VMP1: variants seen among roughly 807,000 people sequenced by gnomAD.
The protein encoded by VMP1 is vacuole membrane protein 1.
Under a neutral mutation model 56.0 loss-of-function variants are expected in VMP1, and 11 were observed. That is an observed-to-expected ratio of 0.20 (90% CI 0.12 to 0.32). The LOEUF is 0.32. VMP1 is among the 10% of genes least tolerant of loss of function. The pLI is 1.00. For missense variants in VMP1, 296 were observed against 490.3 expected, an observed-to-expected ratio of 0.60 and a Z score of 3.74; for synonymous variants, 149 against 165.0, an observed-to-expected ratio of 0.90 and a Z score of 0.74.
intron 11 of VMP1, chr17:59,839,492 T>C (rs1234446693): frequency 2.8e-6 from 1 of 354,120 alleles, no homozygotes; most frequent in Non-Finnish European, 5.1e-6. Context: ...TCAAAGAGTT[T>C]ATTCTTAGGT....
At chr17:59,801,078 T>A (rs1175806767) in intron 7 of VMP1, among the ~76,000 whole-genome samples, 1 of 57,990 alleles carries the variant, frequency 1.7e-5, no homozygotes, top group African/African-American at 5.0e-5. Flanking sequence ...AGACTCCATC[T>A]CGAAAAAAAA....
chr17:59,743,258 CT>C (rs1266102128), intron 5 of VMP1, among the ~76,000 whole-genome samples: 1 of 152,154 alleles, frequency 6.6e-6, no homozygotes, highest in Non-Finnish European at 1.5e-5. Context: ...GTTTTTTCCA[CT>C]TCCCCACCTG....
chr17:59,810,584 A>T (rs1165045562), intron 8 of VMP1, among the ~76,000 whole-genome samples: 1 of 152,214 alleles, frequency 6.6e-6, no homozygotes, highest in East Asian at 1.9e-4. Flanking sequence ...AGCAGGTGTG[A>T]TGCTGTGTAA....
At chr17:59,742,531 T>C (rs914521799) in intron 5 of VMP1, among the ~76,000 whole-genome samples, 1 of 147,912 alleles carries the variant, frequency 6.8e-6, no homozygotes, top group African/African-American at 2.5e-5. Flanking sequence ...ACAATAATAA[T>C]AATAATAATA....
intron 7 of VMP1, among the ~76,000 whole-genome samples, chr17:59,774,491 G>A (rs2036548632): frequency 6.6e-6 from 1 of 152,068 alleles, no homozygotes; most frequent in African/African-American, 2.4e-5. Context: ...TCCCTTGAAA[G>A]CAGCTTCATT....
intron 7 of VMP1, among the ~76,000 whole-genome samples, chr17:59,777,598 G>A (rs374363556): frequency 1.3e-5 from 2 of 151,856 alleles, no homozygotes; most frequent in Non-Finnish European, 2.9e-5. Flanking sequence ...GATCACCTAC[G>A]GTCAGGAGTT....
At chr17:59,776,349 C>G (rs936072707) in intron 7 of VMP1, among the ~76,000 whole-genome samples, 6 of 152,210 alleles carry the variant, frequency 3.9e-5, no homozygotes, top group African/African-American at 1.4e-4. Flanking sequence ...AATATCTGCT[C>G]TTTGTGGAAA....
At chr17:59,764,883 T>C (rs1240136034) in intron 5 of VMP1, 88 bp from the exon 6 acceptor site, 7 of 1,006,488 alleles carry the variant, frequency 7.0e-6, no homozygotes, top group Non-Finnish European at 7.9e-6. Flanking sequence ...AGATTTTTCT[T>C]ACACAGTAAT....
chr17:59,760,363 T>C (rs1384985218), intron 5 of VMP1, among the ~76,000 whole-genome samples: 1 of 152,178 alleles, frequency 6.6e-6, no homozygotes, highest in Non-Finnish European at 1.5e-5. Context: ...TGTTTTGAAA[T>C]ATATTTTTTT....
rs2034738534 is a variant in VMP1, at chr17:59,729,497, AC to A, written c.-26-1922del. Among the ~76,000 whole-genome samples the A allele has an allele frequency of 1.8e-4, 27 of 150,740 alleles. No homozygotes were observed. The South Asian group carries it at 5.7e-3, about 32-fold the overall frequency. On this transcript the variant is annotated intron_variant, in intron 1 of 11. Transcript: ENST00000262291. ...CCATCTCAAAAAAAAAAAAAAAAAA[AC>A]CTTTGGTCTGTTAACAGTGTCACTA...
intron 7 of VMP1, among the ~76,000 whole-genome samples, chr17:59,776,584 G>A (rs1598378538): frequency 6.6e-6 from 1 of 152,168 alleles, no homozygotes; most frequent in African/African-American, 2.4e-5. Flanking sequence ...AGTAGATTTA[G>A]TTGTTACTTC....
chr17:59,734,861 T>A (rs2034958618), intron 2 of VMP1, among the ~76,000 whole-genome samples: 1 of 151,916 alleles, frequency 6.6e-6, no homozygotes, highest in Non-Finnish European at 1.5e-5. Context: ...GGGGAACTAC[T>A]GTCATTCATC....
At chr17:59,778,865 G>T (rs1251013914) in intron 7 of VMP1, among the ~76,000 whole-genome samples, 1 of 152,166 alleles carries the variant, frequency 6.6e-6, no homozygotes, top group Non-Finnish European at 1.5e-5. Context: ...TTTGGATTTT[G>T]ATCTTTTCCC....
intron 1 of VMP1, among the ~76,000 whole-genome samples, chr17:59,715,133 T>A (rs1289734665): frequency 6.6e-6 from 1 of 152,244 alleles, no homozygotes; most frequent in African/African-American, 2.4e-5. Flanking sequence ...TTTTCGCTAC[T>A]CTAAGTTTTT....
intron 7 of VMP1, among the ~76,000 whole-genome samples, chr17:59,801,116 G>A (rs35423773): frequency 0.024 from 2,519 of 104,060 alleles, 40 homozygotes; most frequent in Non-Finnish European, 0.032. Context: ...ATATATATGT[G>A]TGTGTGTGTG....
Position 59,839,831 on chromosome 17 carries a change from C to G in VMP1, c.1141C>G (p.Leu381Val), listed in dbSNP as rs866544435. 2.1e-5 allele frequency: 34 copies of G among 1,613,544 alleles called. No homozygotes were observed. Among genetic ancestry groups the G allele is most frequent in the Non-Finnish European group, 2.9e-5 (34 of 1,179,942 alleles). Residue 381 changes from leucine (L) to valine (V), a missense_variant, in exon 12 of 12, where the codon CTA (leucine) becomes GTA (valine). Physicochemically the swap from Leu to Val is conservative, Grantham distance 32. Around this residue, in one of 4 missense-constraint regions of VMP1, gnomAD observed 95 missense variants for 137.6 expected, o/e 0.69. Transcript: ENST00000262291. The part of the protein sequence containing the change: ...LVVVMVCYFI[L>V]SIINSMAQSY... The stretch of plus-strand genomic sequence containing the variant: ...CGTTGTCATGGTGTGTTACTTCATC[C>G]TATCTATCATTAACTCCATGGCACA...
chr17:59,749,268 A>C (rs1451344258), intron 5 of VMP1, among the ~76,000 whole-genome samples: 1 of 151,616 alleles, frequency 6.6e-6, no homozygotes, highest in Non-Finnish European at 1.5e-5. Context: ...ATAAATTTTT[A>C]AATATATGTT....
chr17:59,777,212 T>C (rs915978455), intron 7 of VMP1, among the ~76,000 whole-genome samples: 1 of 152,192 alleles, frequency 6.6e-6, no homozygotes, highest in Admixed American at 6.5e-5. Flanking sequence ...ATTTACACCT[T>C]CGTTTTGCTT....
At chr17:59,837,413 C>T (rs924263854) in intron 10 of VMP1, among the ~76,000 whole-genome samples, 1 of 152,076 alleles carries the variant, frequency 6.6e-6, no homozygotes. Context: ...CCCAAGCTAC[C>T]GTTTTTAAAA....
Sources: allele counts gnomAD v4.1 joint callset (sites outside exome capture counted in the v4.1 genomes callset), GRCh38; gene constraint gnomAD v4.1.1; regional missense constraint gnomAD v4.1.1; transcripts MANE v1.5; gene names NCBI Gene and HGNC (gene_info 2026-07-23, HGNC 2026-07-21).